TRAK1: variants seen among roughly 807,000 people sequenced by gnomAD.
TRAK1 encodes trafficking kinesin-binding protein 1.
TRAK1 carries 33 observed loss-of-function variants against 92.1 expected under a neutral mutation model. The observed-to-expected ratio is 0.36, with a 90% confidence interval of 0.27 to 0.48. The LOEUF is 0.48. Among genes scored for constraint, TRAK1 ranks in the 20% least tolerant of loss-of-function variants. The pLI is 0.99. For missense variants in TRAK1, 1,123 were observed against 1,257.9 expected (o/e 0.89, Z 1.62); for synonymous variants, 521 against 517.3 (o/e 1.01, Z -0.10).
chr3:42,107,798 T>A (rs916440173), intron 1 of TRAK1, among the ~76,000 whole-genome samples: 5 of 151,938 alleles, frequency 3.3e-5, no homozygotes, highest in Non-Finnish European at 7.4e-5. Context: ...GGCTTCACAT[T>A]ATAGAATTTA....
chr3:42,105,383 A>G (rs1390551905), intron 1 of TRAK1, among the ~76,000 whole-genome samples: 1 of 152,272 alleles, frequency 6.6e-6, no homozygotes, highest in African/African-American at 2.4e-5. Flanking sequence ...CACAAGCTTC[A>G]GTAGCCGATT....
At chr3:42,031,382 A>T (rs945094624) in intron 1 of TRAK1, among the ~76,000 whole-genome samples, 1 of 150,126 alleles carries the variant, frequency 6.7e-6, no homozygotes, top group Non-Finnish European at 1.5e-5. Flanking sequence ...CTGACTGGAC[A>T]TGGTGGCTTA....
intron 1 of TRAK1, among the ~76,000 whole-genome samples, chr3:42,114,905 G>T (rs1708970073): frequency 6.6e-6 from 1 of 151,946 alleles, no homozygotes; most frequent in Non-Finnish European, 1.5e-5. Flanking sequence ...TAAAGATGGG[G>T]TTTTGCTGTG....
chr3:42,040,498 T>A (rs969132777), intron 1 of TRAK1, among the ~76,000 whole-genome samples: 2 of 152,162 alleles, frequency 1.3e-5, no homozygotes, highest in African/African-American at 4.8e-5. Context: ...ACAACTTTAT[T>A]GTTTTACATA....
At chr3:42,083,213 A>T (rs1183887092), upstream of TRAK1, among the ~76,000 whole-genome samples, 1 of 152,128 alleles carries the variant, frequency 6.6e-6, no homozygotes, top group Non-Finnish European at 1.5e-5. Context: ...AATCACTGTG[A>T]AGTTTCCTTA....
At chr3:42,149,623 G>C (rs567603753) in intron 2 of TRAK1, 97 of 1,535,946 alleles carry the variant, frequency 6.3e-5, no homozygotes, top group Non-Finnish European at 8.3e-5. Flanking sequence ...CTGCAAAACA[G>C]AGCCGGGATG....
intron 1 of TRAK1, among the ~76,000 whole-genome samples, chr3:42,107,366 G>T (rs150772047): frequency 4.6e-5 from 7 of 152,134 alleles, no homozygotes; most frequent in Admixed American, 4.6e-4. Context: ...ACGAAAATTA[G>T]CCTGGCGTGG....
At chr3:42,086,757 A>G (rs374206524), upstream of TRAK1, among the ~76,000 whole-genome samples, 1 of 152,178 alleles carries the variant, frequency 6.6e-6, no homozygotes, top group Non-Finnish European at 1.5e-5. Context: ...AATTCCATAT[A>G]CAAATAAAAA....
intron 1 of TRAK1, among the ~76,000 whole-genome samples, chr3:42,114,329 G>A (rs1708884681): frequency 6.6e-6 from 1 of 152,190 alleles, no homozygotes; most frequent in African/African-American, 2.4e-5. Context: ...ATAAGCAGTG[G>A]CAGGAATTTG....
chr3:42,069,331 A>AAAAAAG (rs1703815161), intron 1 of TRAK1, among the ~76,000 whole-genome samples: 1 of 98,876 alleles, frequency 1.0e-5, no homozygotes. Flanking sequence ...AAAAAAAAAA[A>AAAAAAG]GAAAAAAGAA....
intron 1 of TRAK1, among the ~76,000 whole-genome samples, chr3:42,077,481 G>A (rs1010026101): frequency 1.4e-4 from 22 of 152,262 alleles, no homozygotes; most frequent in African/African-American, 2.2e-4. Context: ...CAGAGACAGC[G>A]TTTCACCATG....
intron 2 of TRAK1, chr3:42,149,535 T>A: frequency 6.5e-7 from 1 of 1,536,166 alleles, no homozygotes; most frequent in Non-Finnish European, 8.7e-7. Context: ...GACTACTGAC[T>A]ATGCAGAAAT....
intron 1 of TRAK1, among the ~76,000 whole-genome samples, chr3:42,095,371 G>T (rs1354023578): frequency 6.6e-6 from 1 of 152,134 alleles, no homozygotes; most frequent in Non-Finnish European, 1.5e-5. Context: ...CCCTCTTTAA[G>T]TTACTGTTCT....
chr3:42,205,534 A>G (rs1251020081), intron 13 of TRAK1, among the ~76,000 whole-genome samples: 3 of 152,274 alleles, frequency 2.0e-5, no homozygotes, highest in African/African-American at 7.2e-5. Flanking sequence ...GTGAAGAACA[A>G]ACAAACCATT....
intron 3 of TRAK1, among the ~76,000 whole-genome samples, chr3:42,180,896 G>A (rs992086846): frequency 2.0e-4 from 30 of 152,092 alleles, no homozygotes; most frequent in Non-Finnish European, 1.6e-4. Flanking sequence ...ACAATTTGCT[G>A]TGACTTCTTG....
rs955248065 is a variant in TRAK1 at position 42,225,168 on chromosome 3, T to G, written c.*1431T>G. Reference sequence around the variant, plus strand: ...TCTGTGGCATTCCAGTCCAACCATGTGACTTATTTATTCTAATTTGAGGGC... The same window carrying G: ...TCTGTGGCATTCCAGTCCAACCATGGGACTTATTTATTCTAATTTGAGGGC... On this transcript the variant is annotated 3_prime_UTR_variant, in exon 16 of 16. Transcript: ENST00000327628. 5.3e-5 allele frequency: 8 copies of G among 152,232 alleles called. No individual in the cohort carries two copies. Among genetic ancestry groups the G allele is most frequent in the Non-Finnish European group, 1.0e-4 (7 of 68,040 alleles). The allele number at this position is 152,232 out of a possible 1,614,324, so 9.4% of individuals were successfully genotyped here.
rs570765940 is a variant in TRAK1 at position 42,038,811 on chromosome 3, T to G, written c.-519+24694T>G. Among the ~76,000 whole-genome samples the G allele has an allele frequency of 1.7e-3, 255 of 146,716 alleles. 5 individuals carry two copies. The East Asian group carries it at 0.046, about 27-fold the overall frequency. ...TCAAAAAAAAAAAAAAAGTTTTTTT[T>G]TTTTTTTTTTTTGGTAGAGACAGTC... On this transcript the variant is annotated intron_variant, in intron 1 of 16. Coordinates refer to the TRAK1 transcript ENST00000487159.
At chr3:42,210,011 T>C in intron 14 of TRAK1, 26 bp downstream of exon 14, 1 of 1,614,154 alleles carries the variant, frequency 6.2e-7, no homozygotes, top group Non-Finnish European at 8.5e-7. Context: ...CACGTGTGAC[T>C]GTCTCAGGCA....
chr3:42,034,052 T>C (rs1451051939), intron 1 of TRAK1, among the ~76,000 whole-genome samples: 1 of 152,156 alleles, frequency 6.6e-6, no homozygotes, highest in African/African-American at 2.4e-5. Flanking sequence ...AAATCCTGAG[T>C]ACAATCACCT....
Sources: gnomAD v4.1 joint callset for allele counts (sites outside exome capture counted in the v4.1 genomes callset) on GRCh38, gnomAD v4.1.1 for gene constraint, MANE v1.5 for transcripts, NCBI Gene and HGNC (gene_info 2026-07-23, HGNC 2026-07-21) for gene names.